MFN2: variants seen among roughly 807,000 people sequenced by gnomAD.
MFN2 encodes the protein mitofusin 2, also known as mitofusin-2.
A neutral mutation model predicts 87.5 loss-of-function variants in MFN2; 43 were observed. The ratio of observed to expected loss-of-function variants is 0.49; its 90% CI spans 0.38 to 0.63. The LOEUF is 0.63. Ranked by LOEUF, MFN2 falls within the 30% of genes least tolerant of loss-of-function variation. MFN2 has a pLI of 0.00. For missense variants in MFN2, 743 were observed against 972.8 expected (o/e 0.76, Z 3.14); for synonymous variants, 337 against 359.9 (o/e 0.94, Z 0.72).
chr1:11,996,848 G>A (rs1370778599), intron 5 of MFN2, among the ~76,000 whole-genome samples: 2 of 152,126 alleles, frequency 1.3e-5, no homozygotes, highest in Non-Finnish European at 2.9e-5. Flanking sequence ...GACCAGCCTG[G>A]CCAACATGGT....
intron 2 of MFN2, among the ~76,000 whole-genome samples, chr1:11,988,082 T>TG (rs1557514838): frequency 3.1e-4 from 40 of 127,810 alleles, no homozygotes; most frequent in African/African-American, 7.1e-4. Flanking sequence ...GACCAATAGT[T>TG]TTTGTGTGTG....
In MFN2 at chr1:12,001,562, TGAG is replaced by T; in HGVS notation, c.970+9_970+11del. On this transcript the variant is annotated intron_variant, in intron 9 of 18. Transcript: ENST00000235329. ...AGGGCATGCCTGAAGGAGGTAATGA[TGAG>T]AACAGATGTCCTCCTTTTCTCTGAT... is the stretch of plus-strand genomic sequence containing the variant. The T allele has an allele frequency of 1.2e-6, 2 of 1,614,194 alleles. No homozygotes were observed. Among genetic ancestry groups the T allele is most frequent in the Non-Finnish European group, 1.7e-6 (2 of 1,180,036 alleles).
At position 12,002,119 on chromosome 1, in the gene MFN2, T is replaced by C; in HGVS notation, c.1160+16T>C. ...GGGAGCAGCAGTAAGAGTCCAAGACTGCAGATAGGTGGAGAGAGCTGCCGA... is the reference window on the plus strand; with the variant it reads ...GGGAGCAGCAGTAAGAGTCCAAGACCGCAGATAGGTGGAGAGAGCTGCCGA... On this transcript the variant is annotated intron_variant, in intron 11 of 18. Transcript: ENST00000235329. 6.2e-7 allele frequency: 1 copy of C among 1,614,154 alleles called. No individual in the cohort carries two copies. Among genetic ancestry groups the C allele is most frequent in the Non-Finnish European group, 8.5e-7 (1 of 1,179,994 alleles).
intron 16 of MFN2, 128 bp downstream of exon 16, chr1:12,006,821 T>C: frequency 7.1e-7 from 1 of 1,414,128 alleles, no homozygotes; most frequent in African/African-American, 1.4e-5. Flanking sequence ...TTCTCCTCTG[T>C]GATTGCATGG....
chr1:11,981,353 A>G (rs1645980800), intron 1 of MFN2, among the ~76,000 whole-genome samples: 1 of 152,168 alleles, frequency 6.6e-6, no homozygotes, highest in Non-Finnish European at 1.5e-5. Context: ...AAAACCAAAA[A>G]CTAGCCGGGC....
chr1:12,009,838 G>A (rs1271654282), intron 18 of MFN2, 112 bp downstream of exon 18: 33 of 1,494,778 alleles, frequency 2.2e-5, no homozygotes, highest in Non-Finnish European at 2.9e-5. Context: ...TTTCTGGTGG[G>A]GATTTAGCTC....
chr1:12,008,511 C>T (rs963394555), intron 17 of MFN2, among the ~76,000 whole-genome samples: 39 of 151,852 alleles, frequency 2.6e-4, no homozygotes, highest in African/African-American at 6.5e-4. Flanking sequence ...TAGGCGGAGA[C>T]GCTTACTTCC....
At chr1:11,990,749 T>G (rs1217270460) in intron 3 of MFN2, among the ~76,000 whole-genome samples, 1 of 152,168 alleles carries the variant, frequency 6.6e-6, no homozygotes, top group Non-Finnish European at 1.5e-5. Flanking sequence ...GCTCTCGCTT[T>G]TAAGTGTAGT....
At chr1:11,983,954 A>G (rs1638275933) in intron 2 of MFN2, among the ~76,000 whole-genome samples, 1 of 152,124 alleles carries the variant, frequency 6.6e-6, no homozygotes, top group Admixed American at 6.6e-5. Flanking sequence ...AATCAGGCAG[A>G]GTTTGGAGGG....
chr1:11,981,387 C>T (rs944580966), intron 1 of MFN2, among the ~76,000 whole-genome samples: 11 of 152,216 alleles, frequency 7.2e-5, no homozygotes, highest in Non-Finnish European at 1.0e-4. Flanking sequence ...CCTGTAATCC[C>T]ATCTACTCAG....
At chr1:11,993,540 C>T (rs544868537) in intron 4 of MFN2, among the ~76,000 whole-genome samples, 1 of 152,198 alleles carries the variant, frequency 6.6e-6, no homozygotes, top group African/African-American at 2.4e-5. Flanking sequence ...TCGAGACCAT[C>T]CTGTCTAACA....
In MFN2 at chr1:11,998,854, C is replaced by T. The variant is rs1373839006; in HGVS notation, c.684C>T (p.Asn228=). The T allele has an allele frequency of 2.5e-6, 4 of 1,614,242 alleles. No individual in the cohort carries two copies. Among genetic ancestry groups the T allele is most frequent in the African/African-American group, 2.7e-5 (2 of 75,064 alleles). ...LDADVFVLVA[N]SESTLMQTEK... ...CTGATGTGTTTGTGCTGGTGGCCAA[C>T]TCAGAGTCCACCCTGATGCAGACGG... The change falls in exon 7 of 19, where the codon AAC becomes AAT. Residue 228 remains asparagine (N), a synonymous_variant. Coordinates refer to ENST00000235329, the MANE Select transcript of MFN2 (RefSeq NM_014874.4).
chr1:11,997,453 A>T (rs576189902), intron 6 of MFN2, 32 bp downstream of exon 6: 10 of 1,612,978 alleles, frequency 6.2e-6, no homozygotes, highest in Admixed American at 5.0e-5. Flanking sequence ...AGGAGGTCCA[A>T]ACTGGAAGGC....
At chr1:12,002,546 G>A (rs1016973694) in intron 11 of MFN2, among the ~76,000 whole-genome samples, 1 of 152,136 alleles carries the variant, frequency 6.6e-6, no homozygotes, top group Non-Finnish European at 1.5e-5. Flanking sequence ...AAATCAGCTG[G>A]GTGTGGTGGC....
chr1:12,005,649 T>G (rs1236720887), intron 14 of MFN2, 62 bp from the exon 15 acceptor site: 30 of 1,521,476 alleles, frequency 2.0e-5, no homozygotes, highest in Non-Finnish European at 2.6e-5. Flanking sequence ...TCTCCAAGGC[T>G]TGGTGCCGCT....
In MFN2 at chr1:12,005,832, A is replaced by G. The variant is rs556515947; in HGVS notation, c.1617A>G (p.Glu539=). The change falls in exon 15 of 19, where the codon GAA becomes GAG. Residue 539 remains glutamate (E), a synonymous_variant. Coordinates refer to ENST00000235329, the MANE Select transcript of MFN2 (RefSeq NM_014874.4). ...ACAAGCTGTGTGCTGACTTCCAGGAAGACATTGAGTTCCATTTCTCTCTCG... is the reference window on the plus strand; with the variant it reads ...ACAAGCTGTGTGCTGACTTCCAGGAGGACATTGAGTTCCATTTCTCTCTCG... The part of the protein sequence containing the change: ...NCDKLCADFQ[E]DIEFHFSLGW... 1.2e-5 allele frequency: 20 copies of G among 1,614,212 alleles called. No individual in the cohort carries two copies. The Admixed American group carries it at 2.3e-4, about 19-fold the overall frequency.
intron 2 of MFN2, among the ~76,000 whole-genome samples, chr1:11,988,521 G>A (rs1638528995): frequency 6.6e-6 from 1 of 150,852 alleles, no homozygotes; most frequent in African/African-American, 2.4e-5. Context: ...TTATAGGTAT[G>A]AGCCACTGAA....
chr1:12,006,619 A>C lies in MFN2; in HGVS notation c.1798A>C (p.Met600Leu). 1 of 1,613,914 alleles carries C rather than the reference A, an allele frequency of 6.2e-7. No individual in the cohort carries two copies. Among genetic ancestry groups the C allele is most frequent in the Non-Finnish European group, 8.5e-7 (1 of 1,179,942 alleles). The change falls in exon 16 of 19, where the codon ATG becomes CTG. Residue 600 changes from methionine to leucine, a missense_variant. Met to Leu is a conservative substitution (Grantham distance 15). Transcript: ENST00000235329. ...GGGCTCGCTCACCCAGGAGGAGTTCATGGTTTCCATGGTTACCGGCCTGGC... is the reference window on the plus strand; with the variant it reads ...GGGCTCGCTCACCCAGGAGGAGTTCCTGGTTTCCATGGTTACCGGCCTGGC... ...PQGSLTQEEFMVSMVTGLASL... is the reference protein window; with the variant it reads ...PQGSLTQEEFLVSMVTGLASL...
intron 6 of MFN2, among the ~76,000 whole-genome samples, chr1:11,998,149 T>C (rs1051494821): frequency 9.2e-5 from 14 of 151,786 alleles, no homozygotes; most frequent in African/African-American, 3.4e-4. Context: ...CCCAAAGTGC[T>C]GGGATTACGG....
Sources: gnomAD v4.1 joint callset for allele counts (sites outside exome capture counted in the v4.1 genomes callset) on GRCh38, gnomAD v4.1.1 for gene constraint, MANE v1.5 for transcripts, NCBI Gene and HGNC (gene_info 2026-07-23, HGNC 2026-07-21) for gene names.